The following COP1 variants were observed in gnomAD, a reference collection of about 807,000 sequenced individuals.
COP1 encodes the protein E3 ubiquitin-protein ligase COP1.
In COP1, 24 loss-of-function variants were observed where a neutral mutation model predicts 101.3. The ratio of observed to expected loss-of-function variants is 0.24; its 90% confidence interval spans 0.17 to 0.33. The LOEUF (loss-of-function observed/expected upper bound fraction) is 0.33, where lower values mean the gene tolerates loss of function less well. COP1 is among the 10% of genes least tolerant of loss of function. The pLI is 1.00. For synonymous variants in COP1, 347 were observed against 341.9 expected (o/e 1.01, Z -0.17); for missense variants, 663 against 906.2 (o/e 0.73, Z 3.45).
chr1:175,973,865 G>A (rs891790317), intron 18 of COP1, among the ~76,000 whole-genome samples: 1 of 152,158 alleles, frequency 6.6e-6, no homozygotes, highest in South Asian at 2.1e-4. Context: ...TGGGAACAGT[G>A]AGCAGCAAGA....
At chr1:175,957,457 C>T (rs1372140376) in intron 18 of COP1, among the ~76,000 whole-genome samples, 1 of 152,144 alleles carries the variant, frequency 6.6e-6, no homozygotes, top group African/African-American at 2.4e-5. Context: ...CAGGCTATAC[C>T]ACATAGCTAA....
intron 11 of COP1, among the ~76,000 whole-genome samples, chr1:176,078,870 G>A (rs536508861): frequency 6.7e-4 from 101 of 151,798 alleles, no homozygotes; most frequent in African/African-American, 2.3e-3. Context: ...CATACAAGTC[G>A]CCAACAAGCA....
chr1:175,984,453 T>C (rs1457612553), intron 18 of COP1, among the ~76,000 whole-genome samples: 1 of 152,208 alleles, frequency 6.6e-6, no homozygotes, highest in African/African-American at 2.4e-5. Flanking sequence ...CGCCTGGCTA[T>C]CCAGGCAGAA....
intron 9 of COP1, among the ~76,000 whole-genome samples, chr1:176,088,704 A>G (rs932393383): frequency 4.5e-4 from 69 of 152,182 alleles, no homozygotes; most frequent in Non-Finnish European, 2.2e-4. Context: ...GCTGTAAGAA[A>G]TATCTATTTG....
chr1:176,028,355 G>C (rs1668042390), intron 14 of COP1, among the ~76,000 whole-genome samples: 1 of 151,844 alleles, frequency 6.6e-6, no homozygotes, highest in Non-Finnish European at 1.5e-5. Flanking sequence ...CTTGAGCTCA[G>C]GAGTTAAGAG....
At chr1:176,185,293 T>C (rs958235528) in intron 1 of COP1, among the ~76,000 whole-genome samples, 1 of 152,160 alleles carries the variant, frequency 6.6e-6, no homozygotes, top group Non-Finnish European at 1.5e-5. Context: ...AGTTTATAGA[T>C]GAGGGAACAG....
In COP1 at chr1:176,032,407, T is replaced by G. The variant is rs111810444; in HGVS notation, c.1613-4719A>C. On this transcript the variant is annotated intron_variant, in intron 14 of 19. Coordinates refer to ENST00000367669, the MANE Select transcript of COP1 (RefSeq NM_022457.7). ...AGGGAAACAACAGACCATGTATTAG[T>G]AGCTAGACGTTGTCATACAGCAAAC... Among the ~76,000 whole-genome samples the G allele has an allele frequency of 1.1e-3, 165 of 152,344 alleles. 1 individual carries two copies. The highest frequency in any genetic ancestry group is 2.0e-3 in the Non-Finnish European group (135 of 68,032).
intron 11 of COP1, among the ~76,000 whole-genome samples, chr1:176,060,507 CAGAG>C (rs1185239377): frequency 1.3e-5 from 2 of 152,156 alleles, no homozygotes; most frequent in African/African-American, 4.8e-5. Context: ...AAAAGTACAA[CAGAG>C]ACTCAACAGA....
intron 11 of COP1, among the ~76,000 whole-genome samples, chr1:176,061,935 A>G (rs918449213): frequency 6.6e-6 from 1 of 152,228 alleles, no homozygotes; most frequent in Non-Finnish European, 1.5e-5. Context: ...CATGTATCTG[A>G]CAAAGAACTT....
intron 1 of COP1, among the ~76,000 whole-genome samples, chr1:176,191,914 C>T (rs1558292183): frequency 6.6e-6 from 1 of 152,034 alleles, no homozygotes; most frequent in Non-Finnish European, 1.5e-5. Context: ...AGCATAGCGG[C>T]AATCATTTTA....
chr1:176,109,541 T>A (rs1684922377), intron 9 of COP1, among the ~76,000 whole-genome samples: 1 of 152,184 alleles, frequency 6.6e-6, no homozygotes, highest in Admixed American at 6.5e-5. Context: ...TTCTGAATAA[T>A]TCATTGTACT....
At chr1:176,063,047 G>GTTTTTTTTTTTTTTT (rs34464104) in intron 11 of COP1, among the ~76,000 whole-genome samples, 7 of 90,590 alleles carry the variant, frequency 7.7e-5, no homozygotes, top group Non-Finnish European at 9.8e-5. Context: ...TTTTGAAAAT[G>GTTTTTTTTTTTTTTT]TTTTTTTTTT....
intron 5 of COP1, among the ~76,000 whole-genome samples, chr1:176,154,922 T>A (rs1177246448): frequency 6.6e-6 from 1 of 152,174 alleles, no homozygotes; most frequent in Non-Finnish European, 1.5e-5. Context: ...TTTTAAATAA[T>A]TTTAATAGAA....
At chr1:176,050,054 T>G (rs556936591) in intron 11 of COP1, among the ~76,000 whole-genome samples, 26 of 152,366 alleles carry the variant, frequency 1.7e-4, no homozygotes, top group Middle Eastern at 3.4e-3. Context: ...TATAAAAATT[T>G]ACTGCATGAC....
intron 18 of COP1, among the ~76,000 whole-genome samples, chr1:175,967,797 C>G (rs1010617488): frequency 1.3e-5 from 2 of 152,200 alleles, no homozygotes; most frequent in African/African-American, 4.8e-5. Flanking sequence ...TCCTTCATAT[C>G]TAAAGTATTG....
intron 8 of COP1, among the ~76,000 whole-genome samples, chr1:176,126,178 A>T (rs527435669): frequency 2.6e-4 from 40 of 152,206 alleles, no homozygotes; most frequent in African/African-American, 8.7e-4. Flanking sequence ...GGATAATTTG[A>T]CTTCTTCCTT....
At chr1:176,092,259 A>T (rs1681467010) in intron 9 of COP1, among the ~76,000 whole-genome samples, 1 of 152,158 alleles carries the variant, frequency 6.6e-6, no homozygotes, top group Non-Finnish European at 1.5e-5. Flanking sequence ...CATTCTTCTG[A>T]AGCATGCATA....
chr1:176,024,616 T>TGC (rs938635327), intron 15 of COP1, among the ~76,000 whole-genome samples: 1 of 152,210 alleles, frequency 6.6e-6, no homozygotes, highest in African/African-American at 2.4e-5. Flanking sequence ...ACATTGTACT[T>TGC]GATCTTCTAG....
At chr1:176,014,434 CATTT>C (rs1229913417) in intron 15 of COP1, among the ~76,000 whole-genome samples, 16 of 152,176 alleles carry the variant, frequency 1.1e-4, no homozygotes, top group Admixed American at 8.5e-4. Flanking sequence ...GGAAGTCATT[CATTT>C]ATTTGAAAAC....
Sources: allele counts gnomAD v4.1 joint callset (sites outside exome capture counted in the v4.1 genomes callset), GRCh38; gene constraint gnomAD v4.1.1; transcripts MANE v1.5; gene names NCBI Gene and HGNC (gene_info 2026-07-23, HGNC 2026-07-21).